SLC12A7: variants seen among roughly 807,000 people sequenced by gnomAD.
SLC12A7 encodes solute carrier family 12 member 7.
In SLC12A7, 100 loss-of-function variants were observed where a neutral mutation model predicts 120.6. The ratio of observed to expected loss-of-function variants is 0.83; its 90% CI spans 0.71 to 0.98. The LOEUF is 0.98. Among genes scored for constraint, SLC12A7 ranks in the 50% least tolerant of loss-of-function variants. The pLI, the probability that SLC12A7 is intolerant of heterozygous loss-of-function variation, is 0.00. For synonymous variants in SLC12A7, 760 were observed against 678.0 expected (o/e 1.12, Z -1.88); for missense variants, 1,373 against 1,548.1 (o/e 0.89, Z 1.90).
At chr5:1,101,080 C>T (rs536148047) in intron 1 of SLC12A7, among the ~76,000 whole-genome samples, 4 of 152,258 alleles carry the variant, frequency 2.6e-5, no homozygotes, top group South Asian at 2.1e-4. Context: ...GGAACAGCCC[C>T]GGCCTCGGCC....
At chr5:1,073,586 A>C in intron 17 of SLC12A7, 47 bp downstream of exon 17, 6 of 1,559,302 alleles carry the variant, frequency 3.8e-6, no homozygotes, top group Non-Finnish European at 4.3e-6. Context: ...TTTCCTGTGC[A>C]GCTGGGGTGG....
intron 13 of SLC12A7, 40 bp from the exon 14 acceptor site, chr5:1,076,276 C>T: frequency 6.6e-7 from 1 of 1,520,416 alleles, no homozygotes; most frequent in Non-Finnish European, 8.9e-7. Context: ...CCCACTGGGC[C>T]CCCCTGAGCC....
chr5:1,087,056 C>T (rs752146118), intron 5 of SLC12A7, 23 bp from the exon 6 acceptor site: 10 of 1,604,990 alleles, frequency 6.2e-6, no homozygotes, highest in African/African-American at 1.3e-5. Context: ...AGGCGGCAGC[C>T]GCGGGTCAGG....
intron 17 of SLC12A7, among the ~76,000 whole-genome samples, chr5:1,066,838 G>A (rs1737106734): frequency 6.6e-6 from 1 of 152,290 alleles, no homozygotes; most frequent in Admixed American, 6.5e-5. Context: ...GTGGCCTGCG[G>A]TCTCCTTCAT....
chr5:1,135,257 T>C, the SLC12A7 span, among the ~76,000 whole-genome samples: 1 of 152,130 alleles, frequency 6.6e-6, no homozygotes, highest in African/African-American at 2.4e-5. Flanking sequence ...GTAAGGAAAT[T>C]GAAAGGTGCA....
At chr5:1,114,999 A>G (rs1443832872), upstream of SLC12A7, among the ~76,000 whole-genome samples, 6 of 152,186 alleles carry the variant, frequency 3.9e-5, no homozygotes, top group Non-Finnish European at 8.8e-5. Flanking sequence ...AGTTTCCACA[A>G]CGGTGAATTG....
chr5:1,141,155 T>A, the SLC12A7 span, among the ~76,000 whole-genome samples: 1 of 152,192 alleles, frequency 6.6e-6, no homozygotes, highest in South Asian at 2.1e-4. Context: ...TCCGGCCTCT[T>A]CTTGGCTTGC....
chr5:1,118,746 G>A, the SLC12A7 span, among the ~76,000 whole-genome samples: 1 of 152,234 alleles, frequency 6.6e-6, no homozygotes, highest in Non-Finnish European at 1.5e-5. Context: ...GACAGTGTGG[G>A]GGACCCAGAC....
At chr5:1,076,038 G>T (rs1445467255) in intron 14 of SLC12A7, 100 bp downstream of exon 14, 1 of 994,858 alleles carries the variant, frequency 1.0e-6, no homozygotes. Flanking sequence ...GTCCCAGCCT[G>T]TGGGGCTCCT....
chr5:1,131,980 G>A, the SLC12A7 span, among the ~76,000 whole-genome samples: 12 of 152,208 alleles, frequency 7.9e-5, no homozygotes, highest in African/African-American at 2.9e-4. Context: ...ATGAGGCTGA[G>A]GCCTGCTGCG....
upstream of SLC12A7, among the ~76,000 whole-genome samples, chr5:1,112,429 C>T (rs1197842708): frequency 1.1e-4 from 10 of 90,970 alleles, no homozygotes; most frequent in African/African-American, 4.6e-4. Flanking sequence ...CCTGCACGCC[C>T]TTCTGCTGGA....
chr5:1,114,969 G>A (rs1009516235), upstream of SLC12A7, among the ~76,000 whole-genome samples: 9 of 152,340 alleles, frequency 5.9e-5, no homozygotes, highest in Non-Finnish European at 1.3e-4. Flanking sequence ...CAGGGCAAGG[G>A]TGCCTCTCCC....
At chr5:1,138,040 G>A in the SLC12A7 span, among the ~76,000 whole-genome samples, 1 of 152,228 alleles carries the variant, frequency 6.6e-6, no homozygotes, top group South Asian at 2.1e-4. Flanking sequence ...CTCAGAAGTG[G>A]TCACGCTGTG....
chr5:1,089,378 C>A (rs1320269430), intron 3 of SLC12A7, among the ~76,000 whole-genome samples: 1 of 152,124 alleles, frequency 6.6e-6, no homozygotes, highest in African/African-American at 2.4e-5. Flanking sequence ...AGCTGCTCCG[C>A]TGTGCCTCCC....
intron 1 of SLC12A7, among the ~76,000 whole-genome samples, chr5:1,103,902 C>A (rs1364274211): frequency 6.6e-6 from 1 of 152,248 alleles, no homozygotes; most frequent in Admixed American, 6.5e-5. Flanking sequence ...GCCAGAGTGA[C>A]GTCTGAGCCA....
rs140886815 is a variant in SLC12A7 at position 1,083,941 on chromosome 5, C to A, written c.933G>T (p.Gly311=). 12 of 1,602,542 alleles carry A rather than the reference C, an allele frequency of 7.5e-6. No homozygotes were observed. The African/African-American group carries it at 1.5e-4, about 20-fold the overall frequency. The change falls in exon 8 of 24, where the codon GGG becomes GGT. Residue 311 remains glycine, a synonymous_variant. Transcript: ENST00000264930. ...DPPDIPVCLL[G]NRTLSRRSFD... is the part of the protein sequence containing the mutation. ...AGCTGCGCCGTGACAGCGTGCGGTT[C>A]CCCAGGAGGCAGACCCTGGGCGGGA...
chr5:1,069,605 G>C (rs534010608), intron 17 of SLC12A7, among the ~76,000 whole-genome samples: 1 of 152,204 alleles, frequency 6.6e-6, no homozygotes. Context: ...GAGGAGGCTC[G>C]AGGCGCCCAC....
At chr5:1,101,111 C>G (rs1044577216) in intron 1 of SLC12A7, among the ~76,000 whole-genome samples, 4 of 152,182 alleles carry the variant, frequency 2.6e-5, no homozygotes, top group Non-Finnish European at 5.9e-5. Flanking sequence ...CTGGGAACAG[C>G]CTGTTTCAGC....
chr5:1,085,830 G>A (rs772468655), intron 6 of SLC12A7, among the ~76,000 whole-genome samples: 6 of 152,348 alleles, frequency 3.9e-5, no homozygotes, highest in Admixed American at 2.6e-4. Context: ...CCGCATGTCC[G>A]CACTCAAAAG....
Sources: allele counts gnomAD v4.1 joint callset (sites outside exome capture counted in the v4.1 genomes callset), GRCh38; gene constraint gnomAD v4.1.1; transcripts MANE v1.5; gene names NCBI Gene and HGNC (gene_info 2026-07-23, HGNC 2026-07-21).